The following LAMC3 variants were observed in gnomAD, a reference collection of about 807,000 sequenced individuals.
The protein encoded by LAMC3 is laminin subunit gamma-3.
A neutral mutation model predicts 173.8 loss-of-function variants in LAMC3; 128 were observed. The observed-to-expected ratio is 0.74, with a 90% CI of 0.64 to 0.85. The LOEUF is 0.85. Ranked by LOEUF, LAMC3 falls within the 40% of genes least tolerant of loss-of-function variation. The probability of loss-of-function intolerance (pLI) is 0.00; values close to 1 mark genes in which losing one functional copy is unlikely to be tolerated. For missense variants in LAMC3, 2,022 were observed against 2,156.0 expected (o/e 0.94, Z 1.23); for synonymous variants, 897 against 909.1 (o/e 0.99, Z 0.24).
intron 9 of LAMC3, among the ~76,000 whole-genome samples, chr9:131,050,965 C>T (rs1426554582): frequency 2.0e-5 from 3 of 152,056 alleles, no homozygotes; most frequent in East Asian, 1.9e-4. Flanking sequence ...TTCTGGAGGC[C>T]GAATCGGAGT....
chr9:131,047,673 G>A (rs1055453732), intron 8 of LAMC3, among the ~76,000 whole-genome samples: 5 of 150,784 alleles, frequency 3.3e-5, no homozygotes, highest in Non-Finnish European at 7.4e-5. Context: ...GACCAGCCTG[G>A]CCAACATGAC....
Position 131,063,494 on chromosome 9 carries a change from C to T in LAMC3, c.2347+2271C>T, listed in dbSNP as rs560123275. On this transcript the variant is annotated intron_variant, in intron 13 of 27. Coordinates refer to ENST00000361069, the MANE Select transcript of LAMC3 (RefSeq NM_006059.4). ...CTGGAGTGGACTTTAGACCTGGGAC[C>T]TTCTGCCAGTGCCCTTCTTATCCAC... Among the ~76,000 whole-genome samples the T allele has an allele frequency of 1.2e-4, 18 of 152,326 alleles. No individual in the cohort carries two copies. In the South Asian group the frequency reaches 3.5e-3, roughly 30 times the overall value.
chr9:131,043,558 C>T (rs1834094862), intron 7 of LAMC3, among the ~76,000 whole-genome samples: 1 of 152,096 alleles, frequency 6.6e-6, no homozygotes, highest in African/African-American at 2.4e-5. Context: ...ACAATTTGAG[C>T]AACAAAATAA....
intron 20 of LAMC3, among the ~76,000 whole-genome samples, chr9:131,074,921 G>A (rs908614760): frequency 2.6e-5 from 4 of 151,958 alleles, no homozygotes; most frequent in African/African-American, 9.7e-5. Flanking sequence ...TCTATATTGG[G>A]GTGACTGTAC....
Position 131,092,055 on chromosome 9 carries a change from A to T in LAMC3, c.*268A>T. On this transcript the variant is annotated 3_prime_UTR_variant, in exon 28 of 28. Coordinates refer to ENST00000361069, the MANE Select transcript of LAMC3 (RefSeq NM_006059.4). ...AAACGGGCACACCCCAGTGTCAATA[A>T]CATACACACGTGAGGGTGCATGTCT... 1.9e-6 allele frequency: 1 copy of T among 539,216 alleles called. No individual in the cohort carries two copies. The highest frequency in any genetic ancestry group is 3.4e-6 in the Non-Finnish European group (1 of 296,486). 33.4% of individuals were successfully genotyped at this position (539,216 alleles called of 1,614,324 possible).
intron 25 of LAMC3, 98 bp downstream of exon 25, chr9:131,085,821 C>T (rs1830323042): frequency 1.8e-6 from 2 of 1,142,502 alleles, no homozygotes; most frequent in East Asian, 2.5e-5. Flanking sequence ...CTACTCCGCA[C>T]TCACTCACTG....
In LAMC3 at chr9:131,049,039, C is replaced by T. The variant is rs1438277774; in HGVS notation, c.1539C>T (p.Ala513=). 6.4e-7 allele frequency: 1 copy of T among 1,550,978 alleles called. No homozygotes were observed. Among genetic ancestry groups the T allele is most frequent in the Admixed American group, 2.0e-5 (1 of 51,086 alleles). Residue 513 remains alanine (A), a synonymous_variant, in exon 9 of 28, where the codon GCC becomes GCT. Transcript: ENST00000361069. ...GTCTAGGAGCCGAAGGCTGGTGGGC[C>T]AGAAGTGTGGGGGGCTCTGAGCACC... The part of the protein sequence containing the change: ...DFHQGAEGWW[A]RSVGGSEHPP...
chr9:131,052,810 C>T (rs1312727981), intron 10 of LAMC3, 40 bp from the exon 11 acceptor site: 1 of 1,354,292 alleles, frequency 7.4e-7, no homozygotes, highest in Admixed American at 1.7e-5. Context: ...TACCCCCCCA[C>T]CCTATGTCGG....
At chr9:131,059,621 G>A (rs1266369995) in intron 12 of LAMC3, among the ~76,000 whole-genome samples, 6 of 148,252 alleles carry the variant, frequency 4.0e-5, no homozygotes, top group Non-Finnish European at 8.9e-5. Context: ...ATTGATAATC[G>A]AGCCCAGACA....
rs938963159 is a variant in LAMC3, at chr9:131,091,977, G to A, written c.*190G>A. On this transcript the variant is annotated 3_prime_UTR_variant, in exon 28 of 28. Coordinates refer to ENST00000361069, the MANE Select transcript of LAMC3 (RefSeq NM_006059.4). ...CTTCCCTGCCAGCAGGACTGAGTGTGCGTACCCAGTTCACCTGGACATGAG... is the reference window on the plus strand; with the variant it reads ...CTTCCCTGCCAGCAGGACTGAGTGTACGTACCCAGTTCACCTGGACATGAG... 2.9e-6 allele frequency: 2 copies of A among 684,058 alleles called. No individual in the cohort carries two copies. Among genetic ancestry groups the A allele is most frequent in the Non-Finnish European group, 4.9e-6 (2 of 405,508 alleles). The allele number at this position is 684,058 out of a possible 1,614,324, so 42.4% of individuals were successfully genotyped here. A position where few individuals can be genotyped will look rare whatever the true frequency, so the allele number is the denominator to read the frequency against.
Position 131,069,219 on chromosome 9 carries a change from C to T in LAMC3, c.2890+169C>T, listed in dbSNP as rs73554450. 1.9e-3 allele frequency among the ~76,000 whole-genome samples: 287 copies of T among 152,294 alleles called. 1 individual carries two copies. Among genetic ancestry groups the T allele is most frequent in the African/African-American group, 6.4e-3 (266 of 41,568 alleles). ...AGCGAGTTGCTCCCGTGGCAGTGGCCGGGACAGCAGAGTCACATGACCCAG... is the reference window on the plus strand; with the variant it reads ...AGCGAGTTGCTCCCGTGGCAGTGGCTGGGACAGCAGAGTCACATGACCCAG... On this transcript the variant is annotated intron_variant, in intron 16 of 27. Coordinates refer to ENST00000361069, the MANE Select transcript of LAMC3 (RefSeq NM_006059.4).
Position 131,026,420 on chromosome 9 carries a change from C to A in LAMC3, c.509C>A (p.Thr170Asn), listed in dbSNP as rs773449978. Reference sequence around the variant, plus strand: ...TTCTACAGCGCCTCCTGCCAGAAGACCTACGGCCGGCCCGAGGGCCAGTAC... The same window carrying A: ...TTCTACAGCGCCTCCTGCCAGAAGAACTACGGCCGGCCCGAGGGCCAGTAC... ...YQFYSASCQK[T>N]YGRPEGQYLR... The change falls in exon 2 of 28, where the codon ACC becomes AAC. Residue 170 changes from threonine to asparagine, a missense_variant. By Grantham distance (65) the Thr-to-Asn change is moderately conservative. Coordinates refer to ENST00000361069, the MANE Select transcript of LAMC3 (RefSeq NM_006059.4). The surrounding 1 kb of genome is among the most constrained non-coding windows in gnomAD (Gnocchi z 4.8). 1.7e-5 allele frequency: 27 copies of A among 1,613,884 alleles called. No individual in the cohort carries two copies. Among genetic ancestry groups the A allele is most frequent in the Non-Finnish European group, 2.3e-5 (27 of 1,180,022 alleles).
chr9:131,048,624 G>C (rs10901330), intron 8 of LAMC3, among the ~76,000 whole-genome samples: 89,266 of 151,782 alleles, frequency 0.59, 27,251 homozygotes, highest in African/African-American at 0.76. Context: ...GGCTCCCGTC[G>C]TGGCTGGGCC....
In LAMC3 at chr9:131,028,510, G is replaced by T. The variant is rs540988521; in HGVS notation, c.678+1921G>T. 5.9e-5 allele frequency among the ~76,000 whole-genome samples: 9 copies of T among 152,346 alleles called. No individual in the cohort carries two copies. The South Asian group carries it at 1.9e-3, about 32-fold the overall frequency. ...AGAAGTTGCGTTCTGTCAGCGATGTGCAGCATGAGAACACACGGAGCCGGC... is the reference window on the plus strand; with the variant it reads ...AGAAGTTGCGTTCTGTCAGCGATGTTCAGCATGAGAACACACGGAGCCGGC... On this transcript the variant is annotated intron_variant, in intron 2 of 27. Transcript: ENST00000361069.
chr9:131,032,622 C>CTCTT, intron 3 of LAMC3, among the ~76,000 whole-genome samples: 1 of 149,898 alleles, frequency 6.7e-6, no homozygotes, highest in East Asian at 2.0e-4. Context: ...CTCTCTCTCT[C>CTCTT]TCACTCTCTC....
intron 23 of LAMC3, among the ~76,000 whole-genome samples, chr9:131,079,522 A>G (rs1475025348): frequency 1.3e-5 from 2 of 152,060 alleles, no homozygotes; most frequent in African/African-American, 2.4e-5. Flanking sequence ...GTGAAACCCC[A>G]TCTCTACTAA....
At chr9:131,025,058 T>C (rs1833692282) in intron 1 of LAMC3, among the ~76,000 whole-genome samples, 1 of 152,072 alleles carries the variant, frequency 6.6e-6, no homozygotes, top group Non-Finnish European at 1.5e-5. Context: ...CAGGCTGTAC[T>C]TCCTTCTTAT....
chr9:131,015,294 C>T (rs1355902343), intron 1 of LAMC3, among the ~76,000 whole-genome samples: 1 of 152,174 alleles, frequency 6.6e-6, no homozygotes, highest in Non-Finnish European at 1.5e-5. Flanking sequence ...GCCTCCCGTA[C>T]TCCTAAGCCA....
At chr9:131,084,950 A>G (rs1279136014) in intron 24 of LAMC3, among the ~76,000 whole-genome samples, 2 of 152,096 alleles carry the variant, frequency 1.3e-5, no homozygotes, top group Admixed American at 6.6e-5. Flanking sequence ...AAAAAAAAAA[A>G]AAAAAAGAGA....
Sources: allele counts gnomAD v4.1 joint callset (sites outside exome capture counted in the v4.1 genomes callset), GRCh38; gene constraint gnomAD v4.1.1; non-coding constraint Gnocchi (gnomAD v3.1); transcripts MANE v1.5; gene names NCBI Gene and HGNC (gene_info 2026-07-23, HGNC 2026-07-21).